The following TNNI3K variants were observed in gnomAD, a reference collection of about 807,000 sequenced individuals.
TNNI3K encodes TNNI3 interacting kinase, also known as serine/threonine-protein kinase TNNI3K.
Under a neutral mutation model 114.5 loss-of-function variants are expected in TNNI3K, and 140 were observed. That is an observed-to-expected ratio of 1.22 (90% CI 1.07 to 1.41). The LOEUF is 1.41. Ranked by LOEUF, TNNI3K falls within the 40% of genes most tolerant of loss-of-function variation. The pLI is 0.00. For synonymous variants in TNNI3K, 347 were observed against 347.5 expected (o/e 1.00, Z 0.02); for missense variants, 1,125 against 1,007.6 (o/e 1.12, Z -1.58).
intron 9 of TNNI3K, among the ~76,000 whole-genome samples, chr1:74,347,122 G>A (rs1016207851): frequency 1.1e-4 from 16 of 149,984 alleles, no homozygotes; most frequent in South Asian, 8.5e-4. Flanking sequence ...TTATCATTAC[G>A]TATATCTCCT....
chr1:74,436,203 A>G, intron 18 of TNNI3K, 71 bp downstream of exon 18: 1 of 1,580,136 alleles, frequency 6.3e-7, no homozygotes, highest in Non-Finnish European at 8.7e-7. Context: ...CTGATATTGT[A>G]CCATGAAACT....
rs184452176 is a variant in TNNI3K, at chr1:74,406,642, C to T, written c.1773-29438C>T. Among the ~76,000 whole-genome samples, 26 of 152,306 alleles carry T rather than the reference C, an allele frequency of 1.7e-4. 1 individual carries two copies. In the East Asian group the frequency reaches 4.6e-3, roughly 27 times the overall value. ...CACAATAATCTCCTTATTTTAAGGC[C>T]TGTAACCTGAGTTACCTATGCAAAG... On this transcript the variant is annotated intron_variant, in intron 17 of 24. Transcript: ENST00000326637.
chr1:74,280,381 C>CAA lies in TNNI3K; in HGVS notation c.444+8682_444+8683dup, dbSNP rs553856449. On this transcript the variant is annotated intron_variant, in intron 5 of 24. Transcript: ENST00000326637. The stretch of plus-strand genomic sequence containing the variant: ...TAGGTGACAGAGCGAAACTCCATCT[C>CAA]AAAAAAAAAATAAAATAAAATAAAA... 7.2e-3 allele frequency among the ~76,000 whole-genome samples: 990 copies of CAA among 138,180 alleles called. 18 individuals are homozygous for CAA. Among genetic ancestry groups the CAA allele is most frequent in the African/African-American group, 0.025 (948 of 37,774 alleles). 90.7% of individuals were successfully genotyped at this position (138,180 alleles called of 152,430 possible).
At position 74,312,925 on chromosome 1, in the gene TNNI3K, G is replaced by A. The variant is rs146805772; in HGVS notation, c.445-18525G>A. Among the ~76,000 whole-genome samples the A allele has an allele frequency of 3.0e-3, 454 of 152,192 alleles. 2 individuals carry two copies. The highest frequency in any genetic ancestry group is 0.011 in the African/African-American group (443 of 41,520). On this transcript the variant is annotated intron_variant, in intron 5 of 24. Coordinates refer to ENST00000326637, the MANE Select transcript of TNNI3K (RefSeq NM_015978.3). ...CAATTTTTAAATCTTTGCCTTCCTT[G>A]TTTCATCAATGCGGCCACCTGAGCT...
At chr1:74,280,614 C>T (rs1335792327) in intron 5 of TNNI3K, among the ~76,000 whole-genome samples, 1 of 152,110 alleles carries the variant, frequency 6.6e-6, no homozygotes, top group Non-Finnish European at 1.5e-5. Context: ...TTCTGCCAGC[C>T]CCCATGGAGG....
intron 4 of TNNI3K, among the ~76,000 whole-genome samples, chr1:74,267,266 G>A (rs1046089808): frequency 6.6e-6 from 1 of 151,896 alleles, no homozygotes; most frequent in African/African-American, 2.4e-5. Flanking sequence ...TTTCCAGGAG[G>A]TGTGTACCAT....
At chr1:74,237,358 A>C (rs1653920150) in intron 2 of TNNI3K, among the ~76,000 whole-genome samples, 1 of 151,970 alleles carries the variant, frequency 6.6e-6, no homozygotes, top group Non-Finnish European at 1.5e-5. Context: ...TAGAATTATA[A>C]ATATGTATTT....
rs985414607 is a variant in TNNI3K at position 74,375,573 on chromosome 1, C to T, written c.1772+5181C>T. 155 of 455,284 alleles carry T rather than the reference C, an allele frequency of 3.4e-4. No individual in the cohort carries two copies. The highest frequency in any genetic ancestry group is 3.8e-4 in the Non-Finnish European group (87 of 226,656). The allele number at this position is 455,284 out of a possible 1,614,324, so 28.2% of individuals were successfully genotyped here. A position where few individuals can be genotyped will look rare whatever the true frequency, so the allele number is the denominator to read the frequency against. On this transcript the variant is annotated intron_variant, in intron 17 of 24. Transcript: ENST00000326637. ...CTTGAGATATTTTGCAGATGCTGTACAGGATGGCTCAGCTGCTACCACCCA... is the reference window on the plus strand; with the variant it reads ...CTTGAGATATTTTGCAGATGCTGTATAGGATGGCTCAGCTGCTACCACCCA...
chr1:74,406,360 A>G (rs1478216682), intron 17 of TNNI3K, among the ~76,000 whole-genome samples: 1 of 152,078 alleles, frequency 6.6e-6, no homozygotes, highest in Non-Finnish European at 1.5e-5. Flanking sequence ...CATTAGTGTT[A>G]GTGTATTTTA....
chr1:74,312,539 A>G (rs1490634651), intron 5 of TNNI3K, among the ~76,000 whole-genome samples: 2 of 152,226 alleles, frequency 1.3e-5, no homozygotes, highest in African/African-American at 4.8e-5. Context: ...GGAAGATGAC[A>G]ATGAGATCTT....
At chr1:74,507,440 A>C (rs1669965503) in intron 23 of TNNI3K, among the ~76,000 whole-genome samples, 1 of 152,066 alleles carries the variant, frequency 6.6e-6, no homozygotes, top group African/African-American at 2.4e-5. Flanking sequence ...ACACACACAC[A>C]TGCGCACGCA....
chr1:74,307,122 T>G (rs1658691434), intron 5 of TNNI3K, among the ~76,000 whole-genome samples: 1 of 152,150 alleles, frequency 6.6e-6, no homozygotes, highest in Admixed American at 6.6e-5. Flanking sequence ...GGATGTCCTT[T>G]CTCCATTGTT....
chr1:74,466,469 TA>T (rs991812170), intron 21 of TNNI3K, among the ~76,000 whole-genome samples: 5 of 151,860 alleles, frequency 3.3e-5, no homozygotes, highest in East Asian at 3.9e-4. Flanking sequence ...AGGATACTGT[TA>T]AAAAAAAGAA....
intron 13 of TNNI3K, among the ~76,000 whole-genome samples, chr1:74,368,812 A>T (rs1036789497): frequency 1.3e-5 from 2 of 151,926 alleles, no homozygotes; most frequent in Non-Finnish European, 2.9e-5. Flanking sequence ...AGTAATCAAG[A>T]CATAGAACTA....
intron 21 of TNNI3K, among the ~76,000 whole-genome samples, chr1:74,472,795 G>T (rs1668002072): frequency 6.6e-6 from 1 of 152,140 alleles, no homozygotes; most frequent in Non-Finnish European, 1.5e-5. Context: ...GGTTTGTGTG[G>T]CAGCAGTCTT....
chr1:74,379,437 G>A (rs907582380), intron 17 of TNNI3K, among the ~76,000 whole-genome samples: 7 of 151,822 alleles, frequency 4.6e-5, no homozygotes, highest in African/African-American at 1.7e-4. Flanking sequence ...CCCAACAGAA[G>A]GGGCTCCTTA....
chr1:74,331,429 C>A, intron 5 of TNNI3K, 21 bp from the exon 6 acceptor site: 1 of 1,608,666 alleles, frequency 6.2e-7, no homozygotes, highest in Non-Finnish European at 8.5e-7. Flanking sequence ...AGTTCTTAAC[C>A]ATAATCATTT....
intron 23 of TNNI3K, among the ~76,000 whole-genome samples, chr1:74,520,143 C>T (rs1319502429): frequency 1.8e-5 from 2 of 111,826 alleles, no homozygotes; most frequent in African/African-American, 6.8e-5. Flanking sequence ...GTCTTTTATC[C>T]CATACCCCCT....
chr1:74,530,085 C>T (rs1231958445), intron 23 of TNNI3K, among the ~76,000 whole-genome samples: 2 of 152,162 alleles, frequency 1.3e-5, no homozygotes, highest in Non-Finnish European at 2.9e-5. Context: ...CTGCCTTGGC[C>T]TCCCAAAGTG....
Sources: allele counts gnomAD v4.1 joint callset (sites outside exome capture counted in the v4.1 genomes callset), GRCh38; gene constraint gnomAD v4.1.1; transcripts MANE v1.5; gene names NCBI Gene and HGNC (gene_info 2026-07-23, HGNC 2026-07-21).